GABRR2: variants seen among roughly 807,000 people sequenced by gnomAD.
The protein encoded by GABRR2 is gamma-aminobutyric acid receptor subunit rho-2.
Under a neutral mutation model 47.0 loss-of-function variants are expected in GABRR2, and 36 were observed. The observed-to-expected ratio is 0.77, with a 90% CI of 0.59 to 1.01. The LOEUF (loss-of-function observed/expected upper bound fraction) is 1.01. GABRR2 is among the 50% of genes least tolerant of loss of function. The pLI is 0.00. For synonymous variants in GABRR2, 204 were observed against 227.5 expected (o/e 0.90, Z 0.93); for missense variants, 587 against 594.6 (o/e 0.99, Z 0.13).
chr6:89,288,644 T>C (rs1278379170), intron 2 of GABRR2, among the ~76,000 whole-genome samples: 1 of 152,080 alleles, frequency 6.6e-6, no homozygotes, highest in East Asian at 1.9e-4. Flanking sequence ...CCAGTGTCCA[T>C]GTTTTATTTT....
intron 2 of GABRR2, among the ~76,000 whole-genome samples, chr6:89,291,400 G>A (rs1774437649): frequency 6.6e-6 from 1 of 152,060 alleles, no homozygotes; most frequent in Admixed American, 6.6e-5. Flanking sequence ...ACTCAGCAAA[G>A]CCCTCCCAGA....
chr6:89,305,277 C>A (rs1171598507), intron 1 of GABRR2, among the ~76,000 whole-genome samples: 1 of 152,198 alleles, frequency 6.6e-6, no homozygotes, highest in Admixed American at 6.5e-5. Context: ...ATCACTTGAA[C>A]CCGAGAGGTG....
chr6:89,295,517 C>G (rs1447573783), intron 2 of GABRR2, among the ~76,000 whole-genome samples: 1 of 152,066 alleles, frequency 6.6e-6, no homozygotes, highest in African/African-American at 2.4e-5. Flanking sequence ...ATTGTAGATT[C>G]TGGATATTAG....
chr6:89,284,920 CATAAACT>C (rs376665444), intron 2 of GABRR2, among the ~76,000 whole-genome samples: 240 of 152,292 alleles, frequency 1.6e-3, no homozygotes, highest in African/African-American at 5.7e-3. Flanking sequence ...TTTACCCCTG[CATAAACT>C]ATAAAGAATA....
chr6:89,264,113 G>GTAGAGGTGAGGGT (rs1266437550), intron 8 of GABRR2, among the ~76,000 whole-genome samples: 1 of 152,178 alleles, frequency 6.6e-6, no homozygotes, highest in Non-Finnish European at 1.5e-5. Context: ...GACTCTTACA[G>GTAGAGGTGAGGGT]TAGAGGTGAG....
At position 89,269,212 on chromosome 6, in the gene GABRR2, A is replaced by T. The variant is rs1393776565; in HGVS notation, c.311T>A (p.Leu104Gln). Residue 104 changes from leucine (L) to glutamine (Q), a missense_variant, in exon 4 of 9, where the codon CTG becomes CAG. By Grantham distance (113) the Leu-to-Gln change is moderately radical. Coordinates refer to ENST00000402938, the MANE Select transcript of GABRR2 (RefSeq NM_002043.5). ...CCTCTCATCCTTCCAGTAATGCCGC[A>T]GGTACAGGGTCATAGTGAAGTCCTG... The part of the protein sequence containing the change: ...VDMDFTMTLY[L>Q]RHYWKDERLA... 1.2e-6 allele frequency: 2 copies of T among 1,614,016 alleles called. No homozygotes were observed. Among genetic ancestry groups the T allele is most frequent in the Non-Finnish European group, 1.7e-6 (2 of 1,179,892 alleles).
intron 8 of GABRR2, among the ~76,000 whole-genome samples, chr6:89,262,556 T>C (rs1408100551): frequency 6.6e-6 from 1 of 152,198 alleles, no homozygotes; most frequent in African/African-American, 2.4e-5. Context: ...ATTTATAAAT[T>C]TCTGATTTTT....
At chr6:89,302,477 G>A in intron 1 of GABRR2, 1 of 646,308 alleles carries the variant, frequency 1.5e-6, no homozygotes, top group Non-Finnish European at 2.8e-6. Context: ...ACCATGAGCA[G>A]GATCACTACC....
chr6:89,312,721 C>T (rs988381645), intron 1 of GABRR2, among the ~76,000 whole-genome samples: 2 of 152,208 alleles, frequency 1.3e-5, no homozygotes, highest in Non-Finnish European at 2.9e-5. Context: ...CACAAGGAGG[C>T]GTCACCCTGT....
intron 2 of GABRR2, among the ~76,000 whole-genome samples, chr6:89,298,815 C>A (rs1359299945): frequency 6.6e-6 from 1 of 152,252 alleles, no homozygotes; most frequent in Middle Eastern, 3.4e-3. Context: ...GGAAGTGGGC[C>A]TTTGGAAGGT....
At chr6:89,261,326 G>C (rs1773740826) in intron 8 of GABRR2, among the ~76,000 whole-genome samples, 1 of 152,182 alleles carries the variant, frequency 6.6e-6, no homozygotes, top group African/African-American at 2.4e-5. Flanking sequence ...TGTTTGACTA[G>C]AGCTTTAAAA....
chr6:89,265,890 G>C (rs929303861), intron 6 of GABRR2, 125 bp from the exon 7 acceptor site: 2 of 896,616 alleles, frequency 2.2e-6, no homozygotes, highest in Admixed American at 2.6e-5. Flanking sequence ...TTAATGACCA[G>C]TTGGCTTAAT....
rs1422143160 is a variant in GABRR2 at position 89,255,434 on chromosome 6, T to C, written c.*2236A>G. Among the ~76,000 whole-genome samples the C allele has an allele frequency of 1.3e-5, 2 of 152,188 alleles. No individual in the cohort carries two copies. The highest frequency in any genetic ancestry group is 2.4e-5 in the African/African-American group (1 of 41,436). On this transcript the variant is annotated 3_prime_UTR_variant, in exon 9 of 9. Transcript: ENST00000402938. ...CCTGAGCAACAAGAGTGAAACTCTG[T>C]CTCAGAAAAGAAAAAAAGGTTTCTA...
chr6:89,286,149 A>C (rs1171582164), intron 2 of GABRR2, among the ~76,000 whole-genome samples: 1 of 152,200 alleles, frequency 6.6e-6, no homozygotes, highest in Non-Finnish European at 1.5e-5. Context: ...TATCTGGCCA[A>C]TTTCTTAAAT....
chr6:89,310,315 T>C (rs529214706), intron 1 of GABRR2, among the ~76,000 whole-genome samples: 1 of 152,284 alleles, frequency 6.6e-6, no homozygotes, highest in Non-Finnish European at 1.5e-5. Context: ...CTTGCTGAGG[T>C]CTGGCTTCTC....
rs1168962257 is a variant in GABRR2 at position 89,292,799 on chromosome 6, T to TATATC, written c.220+6955_220+6959dup. On this transcript the variant is annotated intron_variant, in intron 2 of 8. Transcript: ENST00000402938. ...TATATCGTATATACGATATATCGTA[T>TATATC]ATATCGTATATACGATATATCGTAT... is the stretch of plus-strand genomic sequence containing the variant. Among the ~76,000 whole-genome samples, 12 of 21,540 alleles carry TATATC rather than the reference T, an allele frequency of 5.6e-4. 1 individual carries two copies. The highest frequency in any genetic ancestry group is 4.2e-3 in the African/African-American group (11 of 2,646). 14.1% of individuals were successfully genotyped at this position (21,540 alleles called of 152,430 possible). A position where few individuals can be genotyped will look rare whatever the true frequency, so the allele number is the denominator to read the frequency against.
At chr6:89,289,758 C>T (rs1774403213) in intron 2 of GABRR2, among the ~76,000 whole-genome samples, 3 of 152,132 alleles carry the variant, frequency 2.0e-5, no homozygotes, top group African/African-American at 7.2e-5. Context: ...GTTGCTATAA[C>T]AGAATACCTG....
chr6:89,281,698 A>G lies in GABRR2; in HGVS notation c.221-9976T>C, dbSNP rs536298119. ...TTTAAAGTGTTTCAGATTTCCTCCC[A>G]CCGTAGATGACCTGTGGCACAGAGG... On this transcript the variant is annotated intron_variant, in intron 2 of 8. Transcript: ENST00000402938. 7.9e-5 allele frequency among the ~76,000 whole-genome samples: 12 copies of G among 152,080 alleles called. No homozygotes were observed. In the South Asian group the frequency reaches 2.5e-3, roughly 32 times the overall value.
chr6:89,266,846 G>T (rs1773908517), intron 6 of GABRR2, among the ~76,000 whole-genome samples: 1 of 152,002 alleles, frequency 6.6e-6, no homozygotes. Flanking sequence ...ATAGAGACAG[G>T]GTCTCGCTCT....
Sources: allele counts gnomAD v4.1 joint callset (sites outside exome capture counted in the v4.1 genomes callset), GRCh38; gene constraint gnomAD v4.1.1; transcripts MANE v1.5; gene names NCBI Gene and HGNC (gene_info 2026-07-23, HGNC 2026-07-21).